CACNA1E: variants seen among roughly 807,000 people sequenced by gnomAD.
CACNA1E encodes voltage-dependent R-type calcium channel subunit alpha-1E.
Under a neutral mutation model 259.2 loss-of-function variants are expected in CACNA1E, and 40 were observed. That is an observed-to-expected ratio of 0.15 (90% CI 0.12 to 0.20). The LOEUF (loss-of-function observed/expected upper bound fraction) is 0.20, where lower values mean the gene tolerates loss of function less well. Ranked by LOEUF, CACNA1E falls within the 10% of genes least tolerant of loss-of-function variation. The probability of loss-of-function intolerance (pLI) is 1.00; values close to 1 mark genes in which losing one functional copy is unlikely to be tolerated. For missense variants in CACNA1E, 1,874 were observed against 3,040.1 expected (o/e 0.62, Z 9.02); for synonymous variants, 1,104 against 1,138.5 (o/e 0.97, Z 0.61).
chr1:181,528,994 G>A (rs1397907563), intron 3 of CACNA1E, among the ~76,000 whole-genome samples: 3 of 152,214 alleles, frequency 2.0e-5, no homozygotes, highest in Non-Finnish European at 4.4e-5. Flanking sequence ...TCCCCAAGAC[G>A]ATGGGGAAAA....
At chr1:181,714,381 C>T (rs1196287395) in intron 8 of CACNA1E, among the ~76,000 whole-genome samples, 1 of 152,168 alleles carries the variant, frequency 6.6e-6, no homozygotes, top group Non-Finnish European at 1.5e-5. Context: ...GAACACCACC[C>T]TCCCAGCTCA....
At chr1:181,463,032 T>C (rs1661923416) in intron 2 of CACNA1E, among the ~76,000 whole-genome samples, 1 of 152,168 alleles carries the variant, frequency 6.6e-6, no homozygotes, top group South Asian at 2.1e-4. Flanking sequence ...TTGCTGAGTT[T>C]AGGAATACAC....
intron 1 of CACNA1E, among the ~76,000 whole-genome samples, chr1:181,329,449 A>G (rs1009974500): frequency 2.0e-5 from 3 of 151,766 alleles, no homozygotes; most frequent in Non-Finnish European, 2.9e-5. Context: ...TCCAGCCCCT[A>G]CCCCACCACA....
At chr1:181,661,173 G>T (rs893632121) in intron 7 of CACNA1E, among the ~76,000 whole-genome samples, 2 of 152,206 alleles carry the variant, frequency 1.3e-5, no homozygotes, top group African/African-American at 4.8e-5. Context: ...GGCTAAGCTG[G>T]TAAGTTTAAG....
At chr1:181,548,363 T>A (rs1647751347) in intron 3 of CACNA1E, among the ~76,000 whole-genome samples, 1 of 152,168 alleles carries the variant, frequency 6.6e-6, no homozygotes, top group Non-Finnish European at 1.5e-5. Context: ...TGACCTCAAA[T>A]GATCCACCTG....
At position 181,800,464 on chromosome 1, in the gene CACNA1E, G is replaced by A. The variant is rs1662191889; in HGVS notation, c.*1630G>A. ...TGGTATATGGCATACAGCTCCATTG[G>A]AGGGGACACATCACTGGCTTTATCT... On this transcript the variant is annotated 3_prime_UTR_variant, in exon 48 of 48. Transcript: ENST00000367573. The A allele has an allele frequency of 6.5e-6, 1 of 152,674 alleles. No individual in the cohort carries two copies. Among genetic ancestry groups the A allele is most frequent in the Non-Finnish European group, 1.5e-5 (1 of 68,078 alleles). The allele number at this position is 152,674 out of a possible 1,614,324, so 9.5% of individuals were successfully genotyped here.
intron 21 of CACNA1E, 77 bp downstream of exon 21, chr1:181,733,827 C>A: frequency 1.8e-6 from 2 of 1,099,326 alleles, no homozygotes; most frequent in African/African-American, 1.6e-5. Flanking sequence ...AATAAAGCCA[C>A]ATGGAAAGCA....
chr1:181,784,248 G>C (rs1053423662), intron 40 of CACNA1E, among the ~76,000 whole-genome samples: 1 of 152,166 alleles, frequency 6.6e-6, no homozygotes, highest in African/African-American at 2.4e-5. Context: ...TTCTGCTTTT[G>C]TGCAATCTAA....
Position 181,374,997 on chromosome 1 carries a change from AAAC to A in CACNA1E, c.-14-38133_-14-38131del, listed in dbSNP as rs150097244. Among the ~76,000 whole-genome samples, 891 of 152,366 alleles carry A rather than the reference AAAC, an allele frequency of 5.8e-3. 9 individuals carry two copies. The highest frequency in any genetic ancestry group is 0.02 in the African/African-American group (835 of 41,582). On this transcript the variant is annotated intron_variant, in intron 1 of 11. Transcript: ENST00000524607. ...AAAAGGATTAGGATTAGTAGGGTGA[AAAC>A]AAAATAATACAACATAGTTAAGATG...
intron 1 of CACNA1E, among the ~76,000 whole-genome samples, chr1:181,360,494 A>G (rs897624524): frequency 6.6e-6 from 1 of 152,188 alleles, no homozygotes; most frequent in African/African-American, 2.4e-5. Context: ...AACCAGACAT[A>G]ATGGCCATAT....
chr1:181,669,627 C>G (rs1320197714), intron 7 of CACNA1E, among the ~76,000 whole-genome samples: 1 of 152,162 alleles, frequency 6.6e-6, no homozygotes, highest in African/African-American at 2.4e-5. Flanking sequence ...CTTTCTTTTC[C>G]CCAGCATTTA....
intron 3 of CACNA1E, among the ~76,000 whole-genome samples, chr1:181,529,626 C>T (rs966612560): frequency 6.6e-6 from 1 of 152,230 alleles, no homozygotes; most frequent in African/African-American, 2.4e-5. Context: ...GGGAACCTAC[C>T]TTTGGCATTG....
chr1:181,403,661 G>A (rs990101681), intron 1 of CACNA1E, among the ~76,000 whole-genome samples: 1 of 152,156 alleles, frequency 6.6e-6, no homozygotes, highest in African/African-American at 2.4e-5. Context: ...GTAGAATGTG[G>A]AGTATTTAAA....
chr1:181,609,502 G>T (rs1481218709), intron 6 of CACNA1E, among the ~76,000 whole-genome samples: 1 of 152,142 alleles, frequency 6.6e-6, no homozygotes, highest in African/African-American at 2.4e-5. Context: ...GGGAATAATG[G>T]CCCTAAATGT....
chr1:181,710,442 C>T (rs1653234726), intron 7 of CACNA1E, among the ~76,000 whole-genome samples: 1 of 152,102 alleles, frequency 6.6e-6, no homozygotes, highest in African/African-American at 2.4e-5. Flanking sequence ...CCTTGGCTTC[C>T]CCATCTGTTA....
intron 1 of CACNA1E, among the ~76,000 whole-genome samples, chr1:181,355,356 G>A (rs919328382): frequency 1.3e-5 from 2 of 152,192 alleles, no homozygotes; most frequent in African/African-American, 4.8e-5. Flanking sequence ...GGGAGGCCCA[G>A]GCAGGTGGAT....
chr1:181,369,704 A>G (rs1654541809), intron 1 of CACNA1E, among the ~76,000 whole-genome samples: 1 of 152,210 alleles, frequency 6.6e-6, no homozygotes, highest in South Asian at 2.1e-4. Flanking sequence ...TATGCCGTCA[A>G]GATGCCCTAT....
intron 2 of CACNA1E, among the ~76,000 whole-genome samples, chr1:181,474,733 G>GA (rs781451829): frequency 1.9e-4 from 29 of 152,212 alleles, no homozygotes; most frequent in Non-Finnish European, 2.9e-4. Context: ...TGTGGAAAGG[G>GA]ATCTCAAAAT....
At chr1:181,749,310 G>A (rs998590440) in intron 25 of CACNA1E, among the ~76,000 whole-genome samples, 1 of 152,176 alleles carries the variant, frequency 6.6e-6, no homozygotes, top group Non-Finnish European at 1.5e-5. Flanking sequence ...TGAGATGCAG[G>A]TTCACCTATG....
Sources: allele counts gnomAD v4.1 joint callset (sites outside exome capture counted in the v4.1 genomes callset), GRCh38; gene constraint gnomAD v4.1.1; transcripts MANE v1.5; gene names NCBI Gene and HGNC (gene_info 2026-07-23, HGNC 2026-07-21).